The following PXDNL variants were observed in gnomAD, a reference collection of about 807,000 sequenced individuals.
The protein encoded by PXDNL is peroxidasin like.
Under a neutral mutation model 150.8 loss-of-function variants are expected in PXDNL, and 145 were observed. That is an observed-to-expected ratio of 0.96 (90% confidence interval 0.84 to 1.10). The LOEUF is 1.10. Among genes scored for constraint, PXDNL ranks in the 50% least tolerant of loss-of-function variants. The probability of loss-of-function intolerance (pLI) is 0.00; values close to 1 mark genes in which losing one functional copy is unlikely to be tolerated. For synonymous variants in PXDNL, 757 were observed against 725.7 expected (o/e 1.04, Z -0.69); for missense variants, 2,087 against 1,873.9 (o/e 1.11, Z -2.10).
chr8:51,526,761 G>C (rs958996548), intron 4 of PXDNL, among the ~76,000 whole-genome samples: 2 of 152,188 alleles, frequency 1.3e-5, no homozygotes, highest in African/African-American at 4.8e-5. Flanking sequence ...GGTCACCTCA[G>C]AGAGTGCCTG....
In PXDNL at chr8:51,338,413, T is replaced by A. The variant is rs537771769; in HGVS notation, c.4146+1211A>T. Among the ~76,000 whole-genome samples, 4 of 152,282 alleles carry A rather than the reference T, an allele frequency of 2.6e-5. No homozygotes were observed. The East Asian group carries it at 5.8e-4, about 22-fold the overall frequency. On this transcript the variant is annotated intron_variant, in intron 21 of 22. Coordinates refer to ENST00000356297, the MANE Select transcript of PXDNL (RefSeq NM_144651.5). ...AATCATATTTTAAGGGGCTTGTAGTTCACAAAGTCCTTCTGTTCTAGAATC... is the reference window on the plus strand; with the variant it reads ...AATCATATTTTAAGGGGCTTGTAGTACACAAAGTCCTTCTGTTCTAGAATC...
At chr8:51,353,364 TATTA>T (rs1806408703) in intron 19 of PXDNL, among the ~76,000 whole-genome samples, 1 of 151,786 alleles carries the variant, frequency 6.6e-6, no homozygotes, top group African/African-American at 2.4e-5. Flanking sequence ...CTGTGTGTTT[TATTA>T]ATTTATTTTT....
intron 1 of PXDNL, among the ~76,000 whole-genome samples, chr8:51,706,625 A>G (rs1253364911): frequency 1.3e-5 from 2 of 152,218 alleles, no homozygotes. Flanking sequence ...GAGTAACAGG[A>G]TTGAAATAGT....
chr8:51,793,918 G>GA (rs200061972), intron 1 of PXDNL, among the ~76,000 whole-genome samples: 3,755 of 151,230 alleles, frequency 0.025, 157 homozygotes, highest in African/African-American at 0.086. Context: ...ACAAAAGATG[G>GA]AAAAAAAAGT....
chr8:51,705,832 TGCGCGCGCGC>T lies in PXDNL; in HGVS notation c.165-51082_165-51073del, dbSNP rs10589855. 5.9e-3 allele frequency among the ~76,000 whole-genome samples: 877 copies of T among 149,710 alleles called. 13 individuals carry two copies. The highest frequency in any genetic ancestry group is 0.02 in the African/African-American group (835 of 40,916). On this transcript the variant is annotated intron_variant, in intron 1 of 22. Coordinates refer to ENST00000356297, the MANE Select transcript of PXDNL (RefSeq NM_144651.5). The stretch of plus-strand genomic sequence containing the variant: ...CTGTGTGTGTGTGTGTGTGTGTGTG[TGCGCGCGCGC>T]GCGCGCGCGCGTGCATGCACATGTG...
chr8:51,689,885 G>A (rs1420440507), intron 1 of PXDNL, among the ~76,000 whole-genome samples: 3 of 152,168 alleles, frequency 2.0e-5, no homozygotes, highest in African/African-American at 4.8e-5. Context: ...ACGAGCCTTC[G>A]GCACAGGTTC....
intron 10 of PXDNL, 92 bp downstream of exon 10, chr8:51,453,427 T>G: frequency 8.1e-7 from 1 of 1,227,850 alleles, no homozygotes; most frequent in Non-Finnish European, 1.2e-6. Flanking sequence ...AAAATATTTC[T>G]CCACTGATGT....
chr8:51,624,114 A>AAAG (rs1814314806), intron 2 of PXDNL, among the ~76,000 whole-genome samples: 1 of 151,078 alleles, frequency 6.6e-6, no homozygotes, highest in Admixed American at 6.6e-5. Flanking sequence ...AAAAAAAAAA[A>AAAG]AAAAAAAAAT....
rs556898816 is a variant in PXDNL at position 51,320,491 on chromosome 8, G to A, written c.4260+293C>T. Among the ~76,000 whole-genome samples the A allele has an allele frequency of 3.3e-5, 5 of 152,332 alleles. No individual in the cohort carries two copies. In the South Asian group the frequency reaches 6.2e-4, roughly 19 times the overall value. On this transcript the variant is annotated intron_variant, in intron 22 of 22. Coordinates refer to ENST00000356297, the MANE Select transcript of PXDNL (RefSeq NM_144651.5). Reference sequence around the variant, plus strand: ...AATAATGAGATGAACTCAAGTCCCAGGTTGGCTCAGTTTACTTACTGACAT... The same window carrying A: ...AATAATGAGATGAACTCAAGTCCCAAGTTGGCTCAGTTTACTTACTGACAT...
chr8:51,466,476 T>A (rs867934814), intron 8 of PXDNL, among the ~76,000 whole-genome samples: 1 of 152,228 alleles, frequency 6.6e-6, no homozygotes, highest in African/African-American at 2.4e-5. Context: ...CTTCTCACCA[T>A]CAGTCTTGGC....
chr8:51,770,919 C>T (rs758285126), intron 1 of PXDNL, among the ~76,000 whole-genome samples: 26 of 152,196 alleles, frequency 1.7e-4, no homozygotes, highest in Non-Finnish European at 2.6e-4. Flanking sequence ...CACTACTGCA[C>T]ACCACACCAT....
At chr8:51,343,183 C>A (rs533205414) in intron 20 of PXDNL, among the ~76,000 whole-genome samples, 1 of 151,984 alleles carries the variant, frequency 6.6e-6, no homozygotes, top group Non-Finnish European at 1.5e-5. Flanking sequence ...GTGACCAAGA[C>A]AGAAGAAAGA....
At chr8:51,783,274 T>C (rs1206802333) in intron 1 of PXDNL, among the ~76,000 whole-genome samples, 1 of 152,196 alleles carries the variant, frequency 6.6e-6, no homozygotes, top group Admixed American at 6.5e-5. Context: ...CTTTATTATG[T>C]CCACCAGGAT....
At chr8:51,468,217 G>A (rs1810246071) in intron 8 of PXDNL, among the ~76,000 whole-genome samples, 1 of 151,832 alleles carries the variant, frequency 6.6e-6, no homozygotes, top group Non-Finnish European at 1.5e-5. Flanking sequence ...TAATCGTTCT[G>A]GGAAAGCAGT....
At chr8:51,401,027 G>C (rs1808231364) in intron 17 of PXDNL, among the ~76,000 whole-genome samples, 1 of 152,156 alleles carries the variant, frequency 6.6e-6, no homozygotes, top group Non-Finnish European at 1.5e-5. Flanking sequence ...CAGCTGCTTT[G>C]TGCTAGGCCC....
rs958192277 is a variant in PXDNL at position 51,411,103 on chromosome 8, TC to T, written c.2062+146del. ...GGAATTACAGTTCCTATGAGAAACA[TC>T]TGCATTTATTTGGTAAAAGTAGTGA... On this transcript the variant is annotated intron_variant, in intron 16 of 22. Coordinates refer to ENST00000356297, the MANE Select transcript of PXDNL (RefSeq NM_144651.5). 40 of 599,232 alleles carry T rather than the reference TC, an allele frequency of 6.7e-5. No individual in the cohort carries two copies. The African/African-American group carries it at 6.7e-4, about 10-fold the overall frequency. 37.1% of individuals were successfully genotyped at this position (599,232 alleles called of 1,614,324 possible).
At chr8:51,430,521 T>C (rs1809223455) in intron 12 of PXDNL, among the ~76,000 whole-genome samples, 1 of 152,220 alleles carries the variant, frequency 6.6e-6, no homozygotes, top group African/African-American at 2.4e-5. Flanking sequence ...CTCAGCAAGT[T>C]TGAATCCTTC....
rs1409911593 is a variant in PXDNL, at chr8:51,408,841, G to A, written c.2783C>T (p.Pro928Leu). 1 of 1,575,864 alleles carries A rather than the reference G, an allele frequency of 6.3e-7. No individual in the cohort carries two copies. The highest frequency in any genetic ancestry group is 1.2e-5 in the South Asian group (1 of 85,154). Residue 928 changes from proline (P) to leucine (L), a missense_variant, in exon 17 of 23, where the codon CCC (proline) becomes CTC (leucine). By Grantham distance (98) the Pro-to-Leu change is moderately conservative. Transcript: ENST00000356297. ...AAAGGGCAATAAGGGCTTTCCGGAGGGAGGCCAAGGAAAGCCTGTCTTCAG... is the reference window on the plus strand; with the variant it reads ...AAAGGGCAATAAGGGCTTTCCGGAGAGAGGCCAAGGAAAGCCTGTCTTCAG... ...GLLKTGFPWPPSGKPLLPFST... is the reference protein window; with the variant it reads ...GLLKTGFPWPLSGKPLLPFST...
chr8:51,405,932 T>C (rs1808423920), intron 17 of PXDNL, among the ~76,000 whole-genome samples: 1 of 152,212 alleles, frequency 6.6e-6, no homozygotes. Flanking sequence ...GCACAGACTC[T>C]TGGGGCCAAT....
Sources: allele counts gnomAD v4.1 joint callset (sites outside exome capture counted in the v4.1 genomes callset), GRCh38; gene constraint gnomAD v4.1.1; transcripts MANE v1.5; gene names NCBI Gene and HGNC (gene_info 2026-07-23, HGNC 2026-07-21).